The following KCNIP4 variants were observed in gnomAD, a reference collection of about 807,000 sequenced individuals.
KCNIP4 encodes the protein potassium voltage-gated channel interacting protein 4.
In KCNIP4, 12 loss-of-function variants were observed where a neutral mutation model predicts 34.0. The ratio of observed to expected loss-of-function variants is 0.35; its 90% CI spans 0.23 to 0.57. The LOEUF is 0.57. Among genes scored for constraint, KCNIP4 ranks in the 20% least tolerant of loss-of-function variants. The pLI, the probability that KCNIP4 is intolerant of heterozygous loss-of-function variation, is 0.83. For missense variants in KCNIP4, 238 were observed against 311.7 expected, an observed-to-expected ratio of 0.76 and a Z score of 1.78; for synonymous variants, 124 against 102.2, an observed-to-expected ratio of 1.21 and a Z score of -1.29.
intron 1 of KCNIP4, among the ~76,000 whole-genome samples, chr4:21,709,294 A>G (rs573547328): frequency 2.0e-5 from 3 of 152,342 alleles, no homozygotes; most frequent in Admixed American, 1.3e-4. Flanking sequence ...TCTACTTACC[A>G]GGTAGAGGTT....
intron 1 of KCNIP4, among the ~76,000 whole-genome samples, chr4:21,536,013 A>G (rs1316320662): frequency 6.6e-6 from 1 of 152,136 alleles, no homozygotes; most frequent in African/African-American, 2.4e-5. Flanking sequence ...TCCAGTGATG[A>G]TATCATGGGC....
rs3083787 is a variant in KCNIP4 at position 21,422,659 on chromosome 4, TTGTGTGTG to T, written c.61+525904_61+525911del. ...GGGGAAACATCGTTTATGTGTGTGT[TTGTGTGTG>T]TGTGTGTGTGTGTGTGTGTGTGTCT... On this transcript the variant is annotated intron_variant, in intron 1 of 8. Transcript: ENST00000382152. 3.4e-5 allele frequency among the ~76,000 whole-genome samples: 5 copies of T among 147,624 alleles called. No homozygotes were observed. In the East Asian group the frequency reaches 6.0e-4, roughly 18 times the overall value.
At chr4:21,607,001 C>T (rs1743742618) in intron 1 of KCNIP4, among the ~76,000 whole-genome samples, 1 of 151,934 alleles carries the variant, frequency 6.6e-6, no homozygotes, top group Non-Finnish European at 1.5e-5. Flanking sequence ...GGAAAATCTG[C>T]CTATCTTAAT....
chr4:21,361,486 T>TA (rs35509719), intron 1 of KCNIP4, among the ~76,000 whole-genome samples: 41 of 149,512 alleles, frequency 2.7e-4, no homozygotes, highest in African/African-American at 7.1e-4. Flanking sequence ...CAGTTAATAC[T>TA]AAAAAAAAAA....
At chr4:21,061,037 A>T (rs1005426731) in intron 1 of KCNIP4, among the ~76,000 whole-genome samples, 13 of 152,180 alleles carry the variant, frequency 8.5e-5, no homozygotes, top group Non-Finnish European at 1.3e-4. Context: ...AGAATTCATT[A>T]TAACATTTTA....
chr4:21,784,778 T>C (rs10033864), intron 1 of KCNIP4, among the ~76,000 whole-genome samples: 18,540 of 152,174 alleles, frequency 0.12, 3,419 homozygotes, highest in African/African-American at 0.4. Context: ...ACAGCATTTT[T>C]ATTTATCTTA....
At chr4:21,343,655 G>A (rs1177241587) in intron 1 of KCNIP4, among the ~76,000 whole-genome samples, 2 of 152,182 alleles carry the variant, frequency 1.3e-5, no homozygotes, top group East Asian at 3.9e-4. Context: ...TATTGTCCAT[G>A]AGAATTACCT....
chr4:21,713,503 G>A (rs1465896639), intron 1 of KCNIP4, among the ~76,000 whole-genome samples: 1 of 152,202 alleles, frequency 6.6e-6, no homozygotes, highest in South Asian at 2.1e-4. Context: ...TTTTTATGGG[G>A]TACAAGTGAT....
intron 1 of KCNIP4, among the ~76,000 whole-genome samples, chr4:20,896,874 A>T (rs560745401): frequency 3.9e-4 from 59 of 152,294 alleles, no homozygotes; most frequent in South Asian, 3.1e-3. Flanking sequence ...CTGCACACAC[A>T]GAATCGCCAA....
intron 1 of KCNIP4, among the ~76,000 whole-genome samples, chr4:21,459,322 C>T (rs775651541): frequency 2.6e-5 from 4 of 152,070 alleles, no homozygotes; most frequent in Admixed American, 1.3e-4. Context: ...GAAACACGTT[C>T]TGAATTTGGT....
intron 1 of KCNIP4, among the ~76,000 whole-genome samples, chr4:21,577,081 C>A (rs1420939228): frequency 1.3e-5 from 2 of 151,958 alleles, no homozygotes; most frequent in African/African-American, 2.4e-5. Flanking sequence ...AAATGAATAC[C>A]AACTTATCTT....
intron 1 of KCNIP4, among the ~76,000 whole-genome samples, chr4:21,730,443 G>C (rs546547798): frequency 1.3e-5 from 2 of 152,240 alleles, no homozygotes; most frequent in East Asian, 3.9e-4. Context: ...ACATGCTCAG[G>C]AATGAATGAC....
chr4:21,366,339 C>A (rs139415578), intron 1 of KCNIP4, among the ~76,000 whole-genome samples: 215 of 152,300 alleles, frequency 1.4e-3, no homozygotes, highest in African/African-American at 5.1e-3. Context: ...GATTATGAAT[C>A]CTACCAAATT....
chr4:20,929,848 C>A (rs1730273754), intron 1 of KCNIP4, among the ~76,000 whole-genome samples: 1 of 147,258 alleles, frequency 6.8e-6, no homozygotes, highest in Admixed American at 6.7e-5. Context: ...TAACTATAAA[C>A]CTTTGATAAA....
At chr4:21,346,215 T>TGA in intron 1 of KCNIP4, among the ~76,000 whole-genome samples, 1 of 6,432 alleles carries the variant, frequency 1.6e-4, no homozygotes, top group Non-Finnish European at 3.0e-4. Flanking sequence ...ATAATATATA[T>TGA]TATATATAAT....
At chr4:21,519,509 T>TGTATATGCATGTGC (rs1560479815) in intron 1 of KCNIP4, among the ~76,000 whole-genome samples, 1 of 35,492 alleles carries the variant, frequency 2.8e-5, no homozygotes. Flanking sequence ...TGTGTATGTG[T>TGTATATGCATGTGC]ATATACACAT....
chr4:21,271,419 G>A (rs1350916259), intron 1 of KCNIP4, among the ~76,000 whole-genome samples: 2 of 152,306 alleles, frequency 1.3e-5, no homozygotes, highest in Non-Finnish European at 2.9e-5. Flanking sequence ...CTTATGCTGT[G>A]AAATATAGCA....
At chr4:21,396,059 A>G (rs1269229146) in intron 1 of KCNIP4, among the ~76,000 whole-genome samples, 3 of 151,388 alleles carry the variant, frequency 2.0e-5, no homozygotes, top group Non-Finnish European at 2.9e-5. Context: ...AGAGTCTCCT[A>G]TATATAGTCT....
At chr4:21,387,645 T>A (rs1230968968) in intron 1 of KCNIP4, among the ~76,000 whole-genome samples, 1 of 152,208 alleles carries the variant, frequency 6.6e-6, no homozygotes, top group African/African-American at 2.4e-5. Flanking sequence ...CTTTCTTGAA[T>A]CTAATCAATC....
Sources: gnomAD v4.1 joint callset for allele counts (sites outside exome capture counted in the v4.1 genomes callset) on GRCh38, gnomAD v4.1.1 for gene constraint, MANE v1.5 for transcripts, NCBI Gene and HGNC (gene_info 2026-07-23, HGNC 2026-07-21) for gene names.